Variants in DDX60L observed in about 807,000 individuals in gnomAD.
DDX60L encodes DExD/H-box 60 like.
DDX60L carries 191 observed loss-of-function variants against 211.6 expected under a neutral mutation model. The ratio of observed to expected loss-of-function variants is 0.90; its 90% CI spans 0.80 to 1.02. The LOEUF is 1.02. Among genes scored for constraint, DDX60L ranks in the 50% least tolerant of loss-of-function variants. The pLI is 0.00. For missense variants in DDX60L, 2,007 were observed against 1,984.1 expected, an observed-to-expected ratio of 1.01 and a Z score of -0.22; for synonymous variants, 706 against 694.1, an observed-to-expected ratio of 1.02 and a Z score of -0.27.
At chr4:168,401,737 T>C (rs547881969) in intron 25 of DDX60L, among the ~76,000 whole-genome samples, 1 of 152,324 alleles carries the variant, frequency 6.6e-6, no homozygotes, top group African/African-American at 2.4e-5. Context: ...GAATACTACT[T>C]GTGAGGCCAT....
intron 15 of DDX60L, 75 bp downstream of exon 15, chr4:168,423,533 A>G: frequency 9.2e-7 from 1 of 1,082,254 alleles, no homozygotes; most frequent in Non-Finnish European, 1.3e-6. Context: ...GAGATACTTC[A>G]TTAGACCTAT....
chr4:168,401,244 C>T (rs1746752950), intron 25 of DDX60L, among the ~76,000 whole-genome samples: 1 of 152,198 alleles, frequency 6.6e-6, no homozygotes, highest in African/African-American at 2.4e-5. Flanking sequence ...AAGCCAGCTA[C>T]CTGGAGGCTT....
chr4:168,412,261 T>C (rs1264663814), intron 22 of DDX60L, among the ~76,000 whole-genome samples: 2 of 151,686 alleles, frequency 1.3e-5, no homozygotes, highest in Non-Finnish European at 2.9e-5. Context: ...TCAGGCACAG[T>C]GGAGTAGAGC....
intron 22 of DDX60L, among the ~76,000 whole-genome samples, chr4:168,407,930 T>C (rs1211505944): frequency 6.6e-6 from 1 of 152,230 alleles, no homozygotes; most frequent in Non-Finnish European, 1.5e-5. Context: ...CTTTTTATTC[T>C]ATGTTATGCA....
In DDX60L at chr4:168,364,646, G is replaced by A. The variant is rs1579162837; in HGVS notation, c.4929-3435C>T. Among the ~76,000 whole-genome samples the A allele has an allele frequency of 3.9e-5, 6 of 152,164 alleles. 1 individual carries two copies. The highest frequency in any genetic ancestry group is 3.9e-4 in the Admixed American group (6 of 15,282). On this transcript the variant is annotated intron_variant, in intron 36 of 37. Transcript: ENST00000682922. ...TCATCCCACCTCAACCTCCCAAAGT[G>A]CTGGGATTACAGGTGTGGGCCACTG...
At chr4:168,390,528 G>A in intron 29 of DDX60L, 1 of 1,419,644 alleles carries the variant, frequency 7.0e-7, no homozygotes, top group Non-Finnish European at 9.2e-7. Flanking sequence ...GAGTTCACAT[G>A]ATCTAAATTT....
intron 4 of DDX60L, chr4:168,469,074 A>G (rs1478237491): frequency 2.0e-5 from 3 of 152,220 alleles, no homozygotes; most frequent in Non-Finnish European, 4.4e-5. Context: ...GAAATTGGCA[A>G]GCTGATTCTA....
chr4:168,388,004 C>T (rs1180430468), intron 29 of DDX60L, among the ~76,000 whole-genome samples: 2 of 152,142 alleles, frequency 1.3e-5, no homozygotes, highest in Non-Finnish European at 2.9e-5. Context: ...TTCCATTATA[C>T]CACAACTGAA....
At position 168,420,670 on chromosome 4, in the gene DDX60L, TAGATAGATAGATAGAC is replaced by T. The variant is rs1561034783; in HGVS notation, c.2395-306_2395-291del. 2.6e-3 allele frequency among the ~76,000 whole-genome samples: 371 copies of T among 141,534 alleles called. 2 individuals carry two copies. The highest frequency in any genetic ancestry group is 4.2e-3 in the Non-Finnish European group (275 of 65,188). 92.9% of individuals were successfully genotyped at this position (141,534 alleles called of 152,430 possible). A position where few individuals can be genotyped will look rare whatever the true frequency, so the allele number is the denominator to read the frequency against. ...ATAGATAGATAGATAGATAGATAGATAGATAGATAGATAGACAGACAGACAGACAGACAGATATTAC... is the reference window on the plus strand; with the variant it reads ...ATAGATAGATAGATAGATAGATAGATAGACAGACAGACAGACAGATATTAC... On this transcript the variant is annotated intron_variant, in intron 17 of 37. Transcript: ENST00000682922.
chr4:168,422,234 T>C (rs1290902292), intron 16 of DDX60L, among the ~76,000 whole-genome samples: 1 of 152,198 alleles, frequency 6.6e-6, no homozygotes, highest in Non-Finnish European at 1.5e-5. Flanking sequence ...ATTGAGTAAG[T>C]ACAGAAAGAG....
At chr4:168,394,152 C>A (rs1194243711) in intron 28 of DDX60L, among the ~76,000 whole-genome samples, 1 of 151,068 alleles carries the variant, frequency 6.6e-6, no homozygotes, top group Non-Finnish European at 1.5e-5. Context: ...GCCAAGATCG[C>A]GCCACTGCAC....
chr4:168,394,642 C>T (rs1446514304), intron 27 of DDX60L, 25 bp from the exon 28 acceptor site: 2 of 1,563,970 alleles, frequency 1.3e-6, no homozygotes, highest in Non-Finnish European at 1.7e-6. Context: ...AAGTGTAAAA[C>T]AATTGATGAT....
chr4:168,453,318 G>C (rs749568519), intron 7 of DDX60L, 36 bp from the exon 8 acceptor site: 2 of 1,571,932 alleles, frequency 1.3e-6, no homozygotes. Flanking sequence ...CAGTCACAAT[G>C]TCACGCTGTG....
intron 28 of DDX60L, among the ~76,000 whole-genome samples, chr4:168,392,775 C>T (rs1282030230): frequency 6.7e-6 from 1 of 148,426 alleles, no homozygotes; most frequent in African/African-American, 2.5e-5. Flanking sequence ...TGGAGACGGA[C>T]GTTGCAGCGA....
chr4:168,358,524 C>CTTTTTTTTTT (rs70961514), intron 37 of DDX60L, among the ~76,000 whole-genome samples: 6 of 108,278 alleles, frequency 5.5e-5, no homozygotes, highest in South Asian at 3.2e-4. Context: ...TTTTCTTTTT[C>CTTTTTTTTTT]TTTTTTTTTT....
At position 168,417,375 on chromosome 4, in the gene DDX60L, C is replaced by T. The variant is rs76329446; in HGVS notation, c.2611-578G>A. On this transcript the variant is annotated intron_variant, in intron 19 of 37. Transcript: ENST00000682922. ...GCCTTCTTTTCATACCTTGAACACA[C>T]GTGTTCCACCTGAGGGCCTTCACAT... 7.4e-3 allele frequency among the ~76,000 whole-genome samples: 1,130 copies of T among 152,276 alleles called. 13 individuals are homozygous for T. Among genetic ancestry groups the T allele is most frequent in the African/African-American group, 0.025 (1,042 of 41,550 alleles).
At chr4:168,374,269 C>T (rs554879863) in intron 34 of DDX60L, among the ~76,000 whole-genome samples, 4 of 152,244 alleles carry the variant, frequency 2.6e-5, no homozygotes, top group Admixed American at 2.0e-4. Flanking sequence ...TTCCTTGCTT[C>T]CACCATTATT....
chr4:168,432,241 ATT>A (rs1491297921), intron 12 of DDX60L, among the ~76,000 whole-genome samples: 29 of 138,804 alleles, frequency 2.1e-4, no homozygotes, highest in South Asian at 4.7e-4. Context: ...ATATATATAT[ATT>A]GTGTGTGTGT....
intron 13 of DDX60L, 73 bp from the exon 14 acceptor site, chr4:168,427,395 T>C: frequency 6.6e-7 from 1 of 1,511,318 alleles, no homozygotes; most frequent in Non-Finnish European, 8.9e-7. Flanking sequence ...GTGAGATTAT[T>C]TTTTGTGCAC....
Sources: gnomAD v4.1 joint callset for allele counts (sites outside exome capture counted in the v4.1 genomes callset) on GRCh38, gnomAD v4.1.1 for gene constraint, MANE v1.5 for transcripts, NCBI Gene and HGNC (gene_info 2026-07-23, HGNC 2026-07-21) for gene names.